Variants in AOPEP observed in about 807,000 individuals in gnomAD.
AOPEP encodes aminopeptidase O.
AOPEP carries 77 observed loss-of-function variants against 98.1 expected under a neutral mutation model. The observed-to-expected ratio is 0.78, with a 90% CI of 0.65 to 0.95. The LOEUF is 0.95. Ranked by LOEUF, AOPEP falls within the 40% of genes least tolerant of loss-of-function variation. The probability of loss-of-function intolerance (pLI) is 0.00; values close to 1 mark genes in which losing one functional copy is unlikely to be tolerated. For missense variants in AOPEP, 1,024 were observed against 1,024.7 expected (o/e 1.00, Z 0.01); for synonymous variants, 346 against 365.3 (o/e 0.95, Z 0.60).
At chr9:94,797,370 G>A (rs1847204621) in intron 4 of AOPEP, among the ~76,000 whole-genome samples, 1 of 151,180 alleles carries the variant, frequency 6.6e-6, no homozygotes, top group African/African-American at 2.4e-5. Flanking sequence ...GTCGGAGGTT[G>A]CAGTGAGCCG....
intron 1 of AOPEP, among the ~76,000 whole-genome samples, chr9:94,750,399 C>T (rs1411364601): frequency 6.6e-6 from 1 of 151,986 alleles, no homozygotes; most frequent in East Asian, 1.9e-4. Flanking sequence ...TCCTGGCCAA[C>T]ATGGTGAAAC....
intron 13 of AOPEP, among the ~76,000 whole-genome samples, chr9:95,039,337 C>T (rs556682431): frequency 1.1e-4 from 16 of 152,088 alleles, no homozygotes; most frequent in East Asian, 3.9e-4. Context: ...GAGGCTGAGG[C>T]GGGCAGATCA....
intron 7 of AOPEP, among the ~76,000 whole-genome samples, chr9:94,929,326 C>G (rs2054906848): frequency 6.6e-6 from 1 of 152,254 alleles, no homozygotes; most frequent in South Asian, 2.1e-4. Context: ...TCTACTTTCC[C>G]AGGCAGAGGC....
chr9:95,043,326 A>G (rs2065530725), intron 13 of AOPEP, among the ~76,000 whole-genome samples: 1 of 151,510 alleles, frequency 6.6e-6, no homozygotes. Flanking sequence ...ATGCTATTAT[A>G]GTAGAAAAAG....
At chr9:94,934,315 C>CTTTTTTTTTTTTTTTTTTTTTTTTTT (rs974551445) in intron 7 of AOPEP, among the ~76,000 whole-genome samples, 12 of 116,730 alleles carry the variant, frequency 1.0e-4, no homozygotes, top group African/African-American at 4.8e-4. Flanking sequence ...CTTCTCCCAT[C>CTTTTTTTTTTTTTTTTTTTTTTTTTT]TTTTTTTTTT....
At chr9:95,054,284 G>A (rs2133836383) in intron 13 of AOPEP, among the ~76,000 whole-genome samples, 1 of 152,230 alleles carries the variant, frequency 6.6e-6, no homozygotes, top group East Asian at 1.9e-4. Flanking sequence ...GGCAGGATCT[G>A]GGGTTGGGGA....
At chr9:94,825,985 T>C (rs1420317143) in intron 5 of AOPEP, among the ~76,000 whole-genome samples, 1 of 152,198 alleles carries the variant, frequency 6.6e-6, no homozygotes, top group Admixed American at 6.5e-5. Context: ...TAAAAATAGC[T>C]TTTTCTTTTT....
chr9:95,085,320 C>T (rs778576848), intron 16 of AOPEP: 6 of 481,696 alleles, frequency 1.2e-5, no homozygotes, highest in African/African-American at 5.9e-5. Flanking sequence ...CTCCAGAAAC[C>T]GTGGTCGCGC....
chr9:94,779,912 T>G (rs1330902514), intron 3 of AOPEP, among the ~76,000 whole-genome samples: 2 of 152,214 alleles, frequency 1.3e-5, no homozygotes, highest in Admixed American at 6.5e-5. Context: ...GCCAAAAGCA[T>G]CATCCTTATG....
At chr9:95,072,509 T>C (rs890224110) in intron 14 of AOPEP, among the ~76,000 whole-genome samples, 19 of 152,144 alleles carry the variant, frequency 1.2e-4, no homozygotes, top group African/African-American at 4.6e-4. Context: ...GGCATGCACC[T>C]GTAGTCCCAG....
At chr9:94,929,731 C>T (rs2054981950) in intron 7 of AOPEP, among the ~76,000 whole-genome samples, 1 of 152,250 alleles carries the variant, frequency 6.6e-6, no homozygotes, top group Admixed American at 6.5e-5. Context: ...TCTCACAGAG[C>T]TTCCACTTAG....
chr9:94,792,371 T>C (rs1300025878), intron 3 of AOPEP, among the ~76,000 whole-genome samples: 1 of 152,218 alleles, frequency 6.6e-6, no homozygotes, highest in Non-Finnish European at 1.5e-5. Flanking sequence ...GCTCACTCTT[T>C]CACTCATTCA....
At chr9:95,053,111 A>G (rs2066526114) in intron 13 of AOPEP, among the ~76,000 whole-genome samples, 2 of 152,130 alleles carry the variant, frequency 1.3e-5, no homozygotes, top group Admixed American at 6.5e-5. Flanking sequence ...CAGTGTTCTT[A>G]GGTTTGGTTG....
chr9:94,968,753 C>T (rs1038696812), intron 10 of AOPEP, among the ~76,000 whole-genome samples: 1 of 152,140 alleles, frequency 6.6e-6, no homozygotes, highest in Non-Finnish European at 1.5e-5. Flanking sequence ...AGCTAGCATA[C>T]GTTTTAAAAG....
At chr9:94,979,676 A>G (rs2060059656) in intron 11 of AOPEP, among the ~76,000 whole-genome samples, 2 of 152,210 alleles carry the variant, frequency 1.3e-5, no homozygotes. Context: ...ACTCCCTGCT[A>G]AATGAGACCC....
chr9:94,980,520 C>G lies in AOPEP; in HGVS notation c.1977+1093C>G, dbSNP rs1015616850. ...GCTGTTCTCCATTACCTTTTCATCC[C>G]CCTCCTCACATCTTTGTCCATTTTC... On this transcript the variant is annotated intron_variant, in intron 11 of 16. Transcript: ENST00000375315. The surrounding 1 kb of genome is among the most constrained non-coding windows in gnomAD (Gnocchi z 4.3). Among the ~76,000 whole-genome samples the G allele has an allele frequency of 7.2e-5, 11 of 152,212 alleles. No homozygotes were observed. The highest frequency in any genetic ancestry group is 7.2e-4 in the Admixed American group (11 of 15,286).
chr9:94,760,168 A>C lies in AOPEP; in HGVS notation c.385A>C (p.Lys129Gln). 6.2e-7 allele frequency: 1 copy of C among 1,614,228 alleles called. No homozygotes were observed. Among genetic ancestry groups the C allele is most frequent in the Non-Finnish European group, 8.5e-7 (1 of 1,180,034 alleles). The part of the protein sequence containing the change: ...QEHASGISSS[K>Q]YCCDTGNHGS... Reference sequence around the variant, plus strand: ...ACATGCTTCTGGGATTTCTAGCTCAAAGTACTGCTGTGACACAGGGAATCA... The same window carrying C: ...ACATGCTTCTGGGATTTCTAGCTCACAGTACTGCTGTGACACAGGGAATCA... The change falls in exon 2 of 17, where the codon AAG (lysine) becomes CAG (glutamine). Residue 129 changes from lysine (K) to glutamine (Q), a missense_variant. Lys to Gln is a moderately conservative substitution (Grantham distance 53). Transcript: ENST00000375315.
intron 5 of AOPEP, among the ~76,000 whole-genome samples, chr9:94,881,556 A>G (rs1398950078): frequency 1.3e-5 from 2 of 151,920 alleles, no homozygotes; most frequent in Non-Finnish European, 2.9e-5. Flanking sequence ...AGTCCTCTCA[A>G]AATGTTCAGC....
At chr9:94,844,803 G>A (rs1051628735) in intron 5 of AOPEP, among the ~76,000 whole-genome samples, 1 of 152,186 alleles carries the variant, frequency 6.6e-6, no homozygotes, top group Non-Finnish European at 1.5e-5. Flanking sequence ...TAGGGTTGCT[G>A]TGAGACTGGA....
Sources: gnomAD v4.1 joint callset for allele counts (sites outside exome capture counted in the v4.1 genomes callset) on GRCh38, gnomAD v4.1.1 for gene constraint, Gnocchi (gnomAD v3.1) non-coding constraint, MANE v1.5 for transcripts, NCBI Gene and HGNC (gene_info 2026-07-23, HGNC 2026-07-21) for gene names.